RPTOR: variants seen among roughly 807,000 people sequenced by gnomAD.
The protein encoded by RPTOR is regulatory-associated protein of mTOR.
RPTOR carries 21 observed loss-of-function variants against 169.9 expected under a neutral mutation model. That is an observed-to-expected ratio of 0.12 (90% confidence interval 0.09 to 0.18). The LOEUF is 0.18. RPTOR is among the 10% of genes least tolerant of loss of function. The pLI is 1.00. For missense variants in RPTOR, 1,133 were observed against 1,855.9 expected, an observed-to-expected ratio of 0.61 and a Z score of 7.16; for synonymous variants, 732 against 753.2, an observed-to-expected ratio of 0.97 and a Z score of 0.46.
At chr17:80,896,096 TCTC>T (rs2068395342) in intron 20 of RPTOR, among the ~76,000 whole-genome samples, 2 of 152,300 alleles carry the variant, frequency 1.3e-5, no homozygotes, top group Admixed American at 6.5e-5. Flanking sequence ...CTAAACATAT[TCTC>T]CTACATTTTC....
At chr17:80,952,309 A>G (rs901629989) in intron 28 of RPTOR, among the ~76,000 whole-genome samples, 44 of 152,246 alleles carry the variant, frequency 2.9e-4, no homozygotes, top group African/African-American at 1.0e-3. Context: ...GGCTGAAGAC[A>G]GAAGTGGTGC....
intron 6 of RPTOR, among the ~76,000 whole-genome samples, chr17:80,768,513 C>A (rs938258789): frequency 1.3e-5 from 2 of 152,290 alleles, no homozygotes; most frequent in Middle Eastern, 3.4e-3. Context: ...ATGTAATCCT[C>A]GGAAATCAGC....
intron 1 of RPTOR, among the ~76,000 whole-genome samples, chr17:80,570,359 T>G (rs1038907419): frequency 2.0e-5 from 3 of 152,178 alleles, no homozygotes; most frequent in African/African-American, 7.2e-5. Flanking sequence ...AAGTATGATA[T>G]AGAAGGGGCA....
At chr17:80,890,356 C>T (rs1212716836) in intron 17 of RPTOR, among the ~76,000 whole-genome samples, 1 of 152,120 alleles carries the variant, frequency 6.6e-6, no homozygotes, top group Non-Finnish European at 1.5e-5. Context: ...TTCGCTTTGT[C>T]GGAGGCCCCG....
At chr17:80,579,595 T>C (rs1386918061) in intron 1 of RPTOR, among the ~76,000 whole-genome samples, 1 of 152,200 alleles carries the variant, frequency 6.6e-6, no homozygotes, top group East Asian at 1.9e-4. Flanking sequence ...AGGAAGAGGA[T>C]CTAGTCTTTT....
rs1422288958 is a variant in RPTOR at position 80,708,539 on chromosome 17, G to C, written c.507+540G>C. 1.3e-5 allele frequency among the ~76,000 whole-genome samples: 2 copies of C among 152,100 alleles called. No individual in the cohort carries two copies. The highest frequency in any genetic ancestry group is 2.9e-5 in the Non-Finnish European group (2 of 68,024). On this transcript the variant is annotated intron_variant, in intron 4 of 33. Transcript: ENST00000306801. The surrounding 1 kb of genome is among the most constrained non-coding windows in gnomAD (Gnocchi z 4.2). ...TCTGTAGCTGTTGCTGTGGGTGGTG[G>C]GTGCTGACTGTCATCCCCATCCTCC...
chr17:80,891,690 A>G (rs1555632130), intron 17 of RPTOR, 30 bp from the exon 18 acceptor site: 2 of 1,415,858 alleles, frequency 1.4e-6, no homozygotes, highest in Non-Finnish European at 2.0e-6. Flanking sequence ...AGCCCCAGTG[A>G]CTGTTATTGT....
At chr17:80,896,267 A>G (rs1339974535) in intron 20 of RPTOR, among the ~76,000 whole-genome samples, 1 of 151,636 alleles carries the variant, frequency 6.6e-6, no homozygotes, top group Non-Finnish European at 1.5e-5. Context: ...AGTGCTTCTC[A>G]GCGTCTCCCT....
chr17:80,599,158 G>A (rs996550962), intron 1 of RPTOR, among the ~76,000 whole-genome samples: 12 of 152,104 alleles, frequency 7.9e-5, no homozygotes, highest in East Asian at 7.7e-4. Flanking sequence ...GGGCTGACTC[G>A]GGACTGTAGA....
At chr17:80,735,907 C>T (rs752780638) in intron 5 of RPTOR, among the ~76,000 whole-genome samples, 9 of 152,212 alleles carry the variant, frequency 5.9e-5, no homozygotes, top group Admixed American at 2.0e-4. Context: ...TGCGGTGGCT[C>T]ACGCCTGTAA....
At chr17:80,920,775 G>A (rs2068735906) in intron 21 of RPTOR, among the ~76,000 whole-genome samples, 1 of 152,232 alleles carries the variant, frequency 6.6e-6, no homozygotes, top group Non-Finnish European at 1.5e-5. Flanking sequence ...GAAGTTTTCT[G>A]TCTTCCCCGT....
chr17:80,964,181 G>A (rs373229432), intron 33 of RPTOR, 81 bp from the exon 34 acceptor site: 1 of 1,140,814 alleles, frequency 8.8e-7, no homozygotes, highest in South Asian at 1.2e-5. Context: ...GCCTAAGGAT[G>A]CGGGTTGGCC....
chr17:80,577,647 T>C (rs1864079491), intron 1 of RPTOR, among the ~76,000 whole-genome samples: 1 of 152,178 alleles, frequency 6.6e-6, no homozygotes, highest in Non-Finnish European at 1.5e-5. Flanking sequence ...GTCTATACTT[T>C]TCATCAAGCA....
chr17:80,556,211 C>T (rs1386160648), intron 1 of RPTOR, among the ~76,000 whole-genome samples: 1 of 152,038 alleles, frequency 6.6e-6, no homozygotes, highest in Non-Finnish European at 1.5e-5. Context: ...CATCCACAGA[C>T]AATAAGATCT....
chr17:80,964,318 G>A lies in RPTOR; in HGVS notation c.3996G>A (p.Lys1332=). The part of the protein sequence containing the change: ...DYYISVYSVE[K]RVR Reference sequence around the variant, plus strand: ...ACATCTCCGTGTACTCGGTGGAGAAGCGTGTCAGATAGCGGCGTGACCCGG... The same window carrying A: ...ACATCTCCGTGTACTCGGTGGAGAAACGTGTCAGATAGCGGCGTGACCCGG... The change falls in exon 34 of 34, where the codon AAG becomes AAA. Residue 1332 remains lysine, a synonymous_variant. Coordinates refer to ENST00000306801, the MANE Select transcript of RPTOR (RefSeq NM_020761.3). The A allele has an allele frequency of 6.2e-7, 1 of 1,608,094 alleles. No individual in the cohort carries two copies.
At chr17:80,632,038 G>A (rs2065446109) in intron 2 of RPTOR, among the ~76,000 whole-genome samples, 1 of 152,196 alleles carries the variant, frequency 6.6e-6, no homozygotes, top group South Asian at 2.1e-4. Context: ...ATGTGAGGGT[G>A]TTTTAGGATG....
In RPTOR at chr17:80,878,788, A is replaced by C. The variant is rs2878074; in HGVS notation, c.1510-1627A>C. Among the ~76,000 whole-genome samples the C allele has an allele frequency of 0.23, 34,994 of 152,104 alleles. 4,231 individuals are homozygous for C. The highest frequency in any genetic ancestry group is 0.28 in the African/African-American group (11,802 of 41,470). On this transcript the variant is annotated intron_variant, in intron 13 of 33. Coordinates refer to ENST00000306801, the MANE Select transcript of RPTOR (RefSeq NM_020761.3). The surrounding 1 kb of genome is among the most constrained non-coding windows in gnomAD (Gnocchi z 4.1). The stretch of plus-strand genomic sequence containing the variant: ...TCCCGAAGTATTATCGTTACCCCTG[A>C]ATATCCAAGGCAGGATCATTTTATT...
At chr17:80,917,907 G>T (rs1180302219) in intron 21 of RPTOR, among the ~76,000 whole-genome samples, 1 of 152,138 alleles carries the variant, frequency 6.6e-6, no homozygotes, top group Non-Finnish European at 1.5e-5. Flanking sequence ...GTGTGGAAGT[G>T]TCTGACTGCC....
In RPTOR at chr17:80,966,038, C is replaced by G. The variant is rs2069424715; in HGVS notation, c.*1708C>G. The G allele has an allele frequency of 8.6e-6, 2 of 232,942 alleles. No individual in the cohort carries two copies. Among genetic ancestry groups the G allele is most frequent in the East Asian group, 6.0e-5 (1 of 16,558 alleles). The allele number at this position is 232,942 out of a possible 1,614,324, so 14.4% of individuals were successfully genotyped here. ...TCCCATCCAGTCCTTCAACTCAATT[C>G]TTACCCAACACGCGTTTCTGTTTGT... On this transcript the variant is annotated 3_prime_UTR_variant, in exon 34 of 34. Coordinates refer to ENST00000306801, the MANE Select transcript of RPTOR (RefSeq NM_020761.3).
Sources: gnomAD v4.1 joint callset for allele counts (sites outside exome capture counted in the v4.1 genomes callset) on GRCh38, gnomAD v4.1.1 for gene constraint, Gnocchi (gnomAD v3.1) non-coding constraint, MANE v1.5 for transcripts, NCBI Gene and HGNC (gene_info 2026-07-23, HGNC 2026-07-21) for gene names.